DZANK1: variants seen among roughly 807,000 people sequenced by gnomAD.
The protein encoded by DZANK1 is double zinc ribbon and ankyrin repeat domains 1.
Under a neutral mutation model 94.5 loss-of-function variants are expected in DZANK1, and 91 were observed. That is an observed-to-expected ratio of 0.96 (90% CI 0.81 to 1.15). The LOEUF (loss-of-function observed/expected upper bound fraction) is 1.15. DZANK1 is among the 50% of genes most tolerant of loss of function. The probability of loss-of-function intolerance (pLI) is 0.00; values close to 1 mark genes in which losing one functional copy is unlikely to be tolerated. For synonymous variants in DZANK1, 312 were observed against 325.3 expected (o/e 0.96, Z 0.44); for missense variants, 903 against 916.4 (o/e 0.99, Z 0.19).
chr20:18,395,143 T>C (rs2056264091), intron 15 of DZANK1, among the ~76,000 whole-genome samples: 1 of 152,078 alleles, frequency 6.6e-6, no homozygotes, highest in Non-Finnish European at 1.5e-5. Context: ...AGGTGATCAC[T>C]TGAGGCCAGG....
At chr20:18,396,418 T>C in intron 15 of DZANK1, 54 bp downstream of exon 15, 4 of 1,385,630 alleles carry the variant, frequency 2.9e-6, no homozygotes, top group Non-Finnish European at 4.1e-6. Flanking sequence ...ATAAATTGTC[T>C]CAATTTACTA....
In DZANK1 at chr20:18,439,163, A is replaced by T. The variant is rs2058639225; in HGVS notation, c.747+4184T>A. ...GTGTTCTGAATCTCTAAGAATTAGC[A>T]TGAATTTAGAGCCAGTATCTAGAAA... is the stretch of plus-strand genomic sequence containing the variant. On this transcript the variant is annotated intron_variant, in intron 8 of 20. Coordinates refer to ENST00000262547, the Ensembl canonical transcript of DZANK1. 2.6e-5 allele frequency among the ~76,000 whole-genome samples: 4 copies of T among 152,300 alleles called. No homozygotes were observed. In the South Asian group the frequency reaches 8.3e-4, roughly 32 times the overall value.
In DZANK1 at chr20:18,441,984, A is replaced by G. The variant is rs2058729114; in HGVS notation, c.747+1363T>C. Among the ~76,000 whole-genome samples, 1 of 152,218 alleles carries G rather than the reference A, an allele frequency of 6.6e-6. No individual in the cohort carries two copies. The highest frequency in any genetic ancestry group is 2.4e-5 in the African/African-American group (1 of 41,454). On this transcript the variant is annotated intron_variant, in intron 8 of 20. Coordinates refer to ENST00000262547, the Ensembl canonical transcript of DZANK1. This position sits in a 1 kb window ranked among gnomAD's most constrained non-coding sequence, Gnocchi z 4.1. ...GAGACAGGAGAGCACACACCTCTGC[A>G]TCTCTTTACTGAGACTCTCTGAGTC...
At chr20:18,465,483 G>A in intron 1 of DZANK1, 106 bp from the exon 2 acceptor site, 1 of 395,530 alleles carries the variant, frequency 2.5e-6, no homozygotes, top group Non-Finnish European at 4.4e-6. Context: ...CTGTTAACAT[G>A]GCACTACAAA....
intron 9 of DZANK1, among the ~76,000 whole-genome samples, chr20:18,429,613 T>G (rs923113282): frequency 2.0e-5 from 3 of 152,142 alleles, no homozygotes; most frequent in African/African-American, 7.2e-5. Flanking sequence ...CCGCAGCCCA[T>G]GGTTTACATT....
chr20:18,435,932 A>C (rs2058503343), intron 8 of DZANK1, among the ~76,000 whole-genome samples: 1 of 152,196 alleles, frequency 6.6e-6, no homozygotes, highest in Non-Finnish European at 1.5e-5. Context: ...AAAACACAAA[A>C]CAACAACCCT....
At chr20:18,458,893 T>C (rs150289023) in intron 3 of DZANK1, among the ~76,000 whole-genome samples, 104 of 152,316 alleles carry the variant, frequency 6.8e-4, no homozygotes, top group African/African-American at 2.3e-3. Context: ...ACCTTTTGAG[T>C]TGAAAACTCA....
chr20:18,437,841 A>G (rs2058581287), intron 8 of DZANK1, among the ~76,000 whole-genome samples: 1 of 152,174 alleles, frequency 6.6e-6, no homozygotes, highest in African/African-American at 2.4e-5. Context: ...CCATATTGTA[A>G]TCTCTAGAGC....
Position 18,414,352 on chromosome 20 carries a change from GA to G in DZANK1, c.1237del (p.Ser413LeufsTer4). Reference sequence around the variant, plus strand: ...TTACTACAGGGGAGGCCTCACCTCAGAAAAAGGGCGAGGTTCCTCAGCAGCT... The same window carrying G: ...TTACTACAGGGGAGGCCTCACCTCAGAAAAGGGCGAGGTTCCTCAGCAGCT... On this transcript the variant is annotated frameshift_variant, in exon 12 of 21. Transcript: ENST00000262547. LOFTEE classifies it high-confidence loss of function. 6.2e-7 allele frequency: 1 copy of G among 1,613,810 alleles called. No individual in the cohort carries two copies. Among genetic ancestry groups the G allele is most frequent in the Non-Finnish European group, 8.5e-7 (1 of 1,179,846 alleles).
At position 18,449,056 on chromosome 20, in the gene DZANK1, G is replaced by A. The variant is rs967362460; in HGVS notation, c.557C>T (p.Ala186Val). The A allele has an allele frequency of 6.2e-7, 1 of 1,613,558 alleles. No homozygotes were observed. The highest frequency in any genetic ancestry group is 1.3e-5 in the African/African-American group (1 of 74,878). Residue 186 changes from alanine to valine, a missense_variant, in exon 7 of 21, where the codon GCA (alanine) becomes GTA (valine). Coordinates refer to ENST00000262547, the Ensembl canonical transcript of DZANK1. Reference sequence around the variant, plus strand: ...CAAACACTTCTGACCGCTTACGTGTGCAAAACCGGGGGACTAAAATTAAGA... The same window carrying A: ...CAAACACTTCTGACCGCTTACGTGTACAAAACCGGGGGACTAAAATTAAGA...
At chr20:18,426,345 G>A (rs1394842046) in intron 10 of DZANK1, among the ~76,000 whole-genome samples, 1 of 152,108 alleles carries the variant, frequency 6.6e-6, no homozygotes, top group Non-Finnish European at 1.5e-5. Context: ...ACTGGTCCCT[G>A]GTGCCAAAAA....
chr20:18,457,063 T>C (rs963389530), intron 3 of DZANK1, among the ~76,000 whole-genome samples: 2 of 152,210 alleles, frequency 1.3e-5, no homozygotes, highest in African/African-American at 4.8e-5. Flanking sequence ...ACACTTCATA[T>C]TGTCAGCCTT....
At chr20:18,455,473 G>A in intron 3 of DZANK1, 112 bp from the exon 4 acceptor site, 1 of 725,384 alleles carries the variant, frequency 1.4e-6, no homozygotes, top group Non-Finnish European at 2.3e-6. Flanking sequence ...TAAATTTATT[G>A]TATTTCAAAT....
chr20:18,462,776 A>G (rs917635267), intron 2 of DZANK1, among the ~76,000 whole-genome samples: 3 of 151,962 alleles, frequency 2.0e-5, no homozygotes, highest in African/African-American at 7.3e-5. Flanking sequence ...CAGGCAGATT[A>G]AAAATACAAA....
intron 13 of DZANK1, among the ~76,000 whole-genome samples, chr20:18,402,569 A>C (rs1186680294): frequency 6.6e-6 from 1 of 152,168 alleles, no homozygotes; most frequent in Non-Finnish European, 1.5e-5. Context: ...GGTAGAAGTA[A>C]TGCAAACTCT....
intron 13 of DZANK1, among the ~76,000 whole-genome samples, chr20:18,402,983 C>T (rs1249903741): frequency 6.6e-6 from 1 of 152,174 alleles, no homozygotes; most frequent in Non-Finnish European, 1.5e-5. Flanking sequence ...ATGGGCCACT[C>T]CCTTCCACAT....
chr20:18,409,822 C>T (rs1264071694), intron 13 of DZANK1, among the ~76,000 whole-genome samples: 1 of 152,054 alleles, frequency 6.6e-6, no homozygotes, highest in Admixed American at 6.5e-5. Flanking sequence ...GTAATCCTAG[C>T]ACTTCGGGAG....
chr20:18,386,141 A>T (rs2048481817), intron 19 of DZANK1, among the ~76,000 whole-genome samples: 2 of 152,172 alleles, frequency 1.3e-5, no homozygotes, highest in Non-Finnish European at 2.9e-5. Flanking sequence ...CCATGCATTG[A>T]TCCCTATGGA....
Position 18,426,366 on chromosome 20 carries a change from C to T in DZANK1, c.954+701G>A, listed in dbSNP as rs79932869. On this transcript the variant is annotated intron_variant, in intron 10 of 20. Transcript: ENST00000262547. ...CCCTGGTGCCAAAAAGGTTGGGGAC[C>T]GCTGCTGTAGACCATAATAACCACA... Among the ~76,000 whole-genome samples the T allele has an allele frequency of 7.0e-3, 1,065 of 152,084 alleles. 5 individuals are homozygous for T. The highest frequency in any genetic ancestry group is 1.0e-2 in the Non-Finnish European group (677 of 67,998).
Sources: allele counts gnomAD v4.1 joint callset (sites outside exome capture counted in the v4.1 genomes callset), GRCh38; gene constraint gnomAD v4.1.1; non-coding constraint Gnocchi (gnomAD v3.1); transcripts MANE v1.5; gene names NCBI Gene and HGNC (gene_info 2026-07-23, HGNC 2026-07-21).